The following SGCZ variants were observed in gnomAD, a reference collection of about 807,000 sequenced individuals.
SGCZ encodes zeta-sarcoglycan.
A neutral mutation model predicts 41.3 loss-of-function variants in SGCZ; 40 were observed. The ratio of observed to expected loss-of-function variants is 0.97; its 90% CI spans 0.75 to 1.26. The LOEUF is 1.26. SGCZ is among the 50% of genes most tolerant of loss of function. SGCZ has a pLI of 0.00. For synonymous variants in SGCZ, 206 were observed against 137.5 expected (o/e 1.50, Z -3.49); for missense variants, 552 against 369.8 (o/e 1.49, Z -4.04).
intron 5 of SGCZ, among the ~76,000 whole-genome samples, chr8:14,155,041 G>T (rs1803835031): frequency 6.6e-6 from 1 of 152,130 alleles, no homozygotes; most frequent in Non-Finnish European, 1.5e-5. Flanking sequence ...CAGCCACTCT[G>T]TTTTGGAGTA....
intron 1 of SGCZ, among the ~76,000 whole-genome samples, chr8:14,889,562 G>A (rs1373331553): frequency 2.0e-5 from 3 of 151,676 alleles, no homozygotes; most frequent in Non-Finnish European, 2.9e-5. Flanking sequence ...ACTTGACTTG[G>A]ACTCAAAATT....
chr8:15,065,109 A>C (rs1805081746), intron 1 of SGCZ, among the ~76,000 whole-genome samples: 2 of 152,002 alleles, frequency 1.3e-5, no homozygotes, highest in South Asian at 4.2e-4. Flanking sequence ...CCTTGGTCTC[A>C]CTTCCTGCCT....
chr8:14,324,500 A>G (rs1585364072), intron 2 of SGCZ, among the ~76,000 whole-genome samples: 1 of 152,150 alleles, frequency 6.6e-6, no homozygotes, highest in Non-Finnish European at 1.5e-5. Flanking sequence ...CAGTCAGTTC[A>G]ACTATTTATT....
At chr8:14,304,455 A>G (rs1257550628) in intron 3 of SGCZ, among the ~76,000 whole-genome samples, 1 of 151,928 alleles carries the variant, frequency 6.6e-6, no homozygotes, top group Non-Finnish European at 1.5e-5. Flanking sequence ...TTAGCCAGGC[A>G]TGGTGGCACA....
chr8:14,271,178 C>T (rs535508870), intron 3 of SGCZ, among the ~76,000 whole-genome samples: 7 of 151,368 alleles, frequency 4.6e-5, no homozygotes, highest in African/African-American at 7.3e-5. Flanking sequence ...GCACATGTAC[C>T]GTAAAACTTA....
intron 3 of SGCZ, among the ~76,000 whole-genome samples, chr8:14,262,492 C>A (rs897725712): frequency 3.3e-5 from 5 of 151,896 alleles, no homozygotes; most frequent in Admixed American, 1.3e-4. Flanking sequence ...CCACATGTGA[C>A]AAATAGCCAT....
chr8:14,519,797 T>C (rs1223205587), intron 2 of SGCZ, among the ~76,000 whole-genome samples: 1 of 152,138 alleles, frequency 6.6e-6, no homozygotes, highest in East Asian at 1.9e-4. Context: ...TGTTATTTCA[T>C]TGTTACACTT....
rs1009574857 is a variant in SGCZ at position 15,009,412 on chromosome 8, C to A, written c.39+228173G>T. Among the ~76,000 whole-genome samples, 6 of 64,896 alleles carry A rather than the reference C, an allele frequency of 9.2e-5. No homozygotes were observed. In the East Asian group the frequency reaches 1.9e-3, roughly 21 times the overall value. 42.6% of individuals were successfully genotyped at this position (64,896 alleles called of 152,430 possible). Reference sequence around the variant, plus strand: ...GCCCCACCTCCAACGTTGGGTATTACAATTCTACATGAGATTTGGGTGGGG... The same window carrying A: ...GCCCCACCTCCAACGTTGGGTATTAAAATTCTACATGAGATTTGGGTGGGG... On this transcript the variant is annotated intron_variant, in intron 1 of 7. Coordinates refer to ENST00000382080, the MANE Select transcript of SGCZ (RefSeq NM_139167.4).
At chr8:14,587,405 C>A (rs1805095136) in intron 1 of SGCZ, among the ~76,000 whole-genome samples, 1 of 150,242 alleles carries the variant, frequency 6.7e-6, no homozygotes, top group Non-Finnish European at 1.5e-5. Flanking sequence ...GGTGTTGTGG[C>A]TCACAGATGT....
At chr8:14,584,042 T>A (rs906875793) in intron 1 of SGCZ, among the ~76,000 whole-genome samples, 2 of 152,154 alleles carry the variant, frequency 1.3e-5, no homozygotes, top group Admixed American at 6.6e-5. Flanking sequence ...TGCAAGAATA[T>A]AAGTCCTATT....
chr8:14,339,874 A>G (rs1802641821), intron 2 of SGCZ, among the ~76,000 whole-genome samples: 1 of 152,218 alleles, frequency 6.6e-6, no homozygotes, highest in South Asian at 2.1e-4. Context: ...ATTACTAAAA[A>G]GAATAGAATA....
At chr8:14,432,543 G>A (rs1202226102) in intron 2 of SGCZ, among the ~76,000 whole-genome samples, 1 of 152,120 alleles carries the variant, frequency 6.6e-6, no homozygotes, top group East Asian at 1.9e-4. Context: ...GGTGAGAAGG[G>A]GGTGAGGGAT....
At chr8:14,722,667 G>C (rs995008324) in intron 1 of SGCZ, among the ~76,000 whole-genome samples, 7 of 152,004 alleles carry the variant, frequency 4.6e-5, no homozygotes, top group Non-Finnish European at 1.0e-4. Flanking sequence ...TACACAGGTT[G>C]ACTAGGGAAG....
chr8:15,093,399 A>C (rs1219131962), intron 1 of SGCZ, among the ~76,000 whole-genome samples: 2 of 152,202 alleles, frequency 1.3e-5, no homozygotes, highest in Non-Finnish European at 2.9e-5. Flanking sequence ...TACGTCCACC[A>C]TGAGAGTTGT....
At chr8:14,437,706 A>C (rs1044732890) in intron 2 of SGCZ, among the ~76,000 whole-genome samples, 3 of 151,894 alleles carry the variant, frequency 2.0e-5, no homozygotes, top group African/African-American at 7.2e-5. Flanking sequence ...AGAATTGATA[A>C]ATAAAAATTT....
At chr8:14,264,351 G>T (rs1293068191) in intron 3 of SGCZ, among the ~76,000 whole-genome samples, 2 of 152,158 alleles carry the variant, frequency 1.3e-5, no homozygotes, top group Non-Finnish European at 2.9e-5. Flanking sequence ...AGACAGAGTA[G>T]AGTGGAGCTC....
chr8:14,731,063 C>G (rs932296816), intron 1 of SGCZ, among the ~76,000 whole-genome samples: 11 of 151,852 alleles, frequency 7.2e-5, no homozygotes, highest in African/African-American at 2.7e-4. Flanking sequence ...ATAAATAATT[C>G]TACCATAAAC....
intron 1 of SGCZ, among the ~76,000 whole-genome samples, chr8:14,618,988 G>T (rs188579453): frequency 7.2e-5 from 11 of 152,130 alleles, no homozygotes; most frequent in Admixed American, 7.2e-4. Flanking sequence ...TTCTCTTTTA[G>T]ATGTCCAAGT....
intron 1 of SGCZ, among the ~76,000 whole-genome samples, chr8:14,725,944 T>C (rs1810033995): frequency 6.6e-6 from 1 of 152,182 alleles, no homozygotes; most frequent in African/African-American, 2.4e-5. Context: ...TTTGCTTTTT[T>C]TTCACTTATT....
Sources: gnomAD v4.1 joint callset for allele counts (sites outside exome capture counted in the v4.1 genomes callset) on GRCh38, gnomAD v4.1.1 for gene constraint, MANE v1.5 for transcripts, NCBI Gene and HGNC (gene_info 2026-07-23, HGNC 2026-07-21) for gene names.